The following ECM2 variants were observed in gnomAD, a reference collection of about 807,000 sequenced individuals.
ECM2 encodes the protein extracellular matrix protein 2, also known as extracellular matrix protein 2, female organ and adipocyte specific.
ECM2 carries 57 observed loss-of-function variants against 67.5 expected under a neutral mutation model. The observed-to-expected ratio is 0.84, with a 90% confidence interval of 0.68 to 1.05. The LOEUF is 1.05. ECM2 is among the 50% of genes least tolerant of loss of function. ECM2 has a pLI of 0.00. For missense variants in ECM2, 741 were observed against 822.8 expected (o/e 0.90, Z 1.22); for synonymous variants, 258 against 294.5 (o/e 0.88, Z 1.27).
At chr9:92,535,013 G>A (rs1371922270) in intron 1 of ECM2, among the ~76,000 whole-genome samples, 1 of 152,104 alleles carries the variant, frequency 6.6e-6, no homozygotes, top group African/African-American at 2.4e-5. Context: ...TGAGTGCTTA[G>A]GAGTGTGAAT....
intron 5 of ECM2, among the ~76,000 whole-genome samples, chr9:92,510,838 T>C (rs1337140051): frequency 6.6e-6 from 1 of 152,224 alleles, no homozygotes; most frequent in Non-Finnish European, 1.5e-5. Flanking sequence ...CTAGCCATTT[T>C]CTAGAAGAAG....
At chr9:92,545,633 C>T in the ECM2 span, among the ~76,000 whole-genome samples, 1 of 152,214 alleles carries the variant, frequency 6.6e-6, no homozygotes, top group Non-Finnish European at 1.5e-5. Flanking sequence ...GGAGTGCGGG[C>T]ACAGGGCGCG....
chr9:92,547,040 TAGC>T, the ECM2 span, among the ~76,000 whole-genome samples: 1 of 152,128 alleles, frequency 6.6e-6, no homozygotes, highest in African/African-American at 2.4e-5. Context: ...ACGTATATAT[TAGC>T]AGACCAAATC....
At position 92,514,963 on chromosome 9, in the gene ECM2, C is replaced by G. The variant is rs761075259; in HGVS notation, c.722G>C (p.Ser241Thr). The change falls in exon 4 of 10, where the codon AGT becomes ACT. Residue 241 changes from serine to threonine, a missense_variant. Ser to Thr is a moderately conservative substitution (Grantham distance 58, BLOSUM62 1). Coordinates refer to ENST00000344604, the MANE Select transcript of ECM2 (RefSeq NM_001393.4). The part of the protein sequence containing the change: ...PESRNQGQLY[S>T]EGDSRGGDRK... ...GTCTCCTCCTCTGCTGTCCCCCTCA[C>G]TGTAAAGTTGCCCCTGATTTCTAGA... 2.5e-6 allele frequency: 4 copies of G among 1,613,974 alleles called. No individual in the cohort carries two copies. The African/African-American group carries it at 5.3e-5, about 22-fold the overall frequency.
chr9:92,557,816 T>C, the ECM2 span, among the ~76,000 whole-genome samples: 1 of 152,124 alleles, frequency 6.6e-6, no homozygotes, highest in Non-Finnish European at 1.5e-5. Context: ...CTAATTTTTG[T>C]ATTTTTTTAG....
At chr9:92,542,579 C>T in the ECM2 span, among the ~76,000 whole-genome samples, 10 of 151,946 alleles carry the variant, frequency 6.6e-5, no homozygotes, top group South Asian at 2.1e-4. Flanking sequence ...TGCAGTGGCA[C>T]GATCATGGCT....
upstream of ECM2, chr9:92,538,962 A>G (rs1341576813): frequency 2.6e-5 from 4 of 152,082 alleles, no homozygotes; most frequent in African/African-American, 7.2e-5. Flanking sequence ...TAAGGATGCA[A>G]TTGTCTACCA....
chr9:92,502,431 C>T lies in ECM2; in HGVS notation c.1604+82G>A, dbSNP rs1488138723. On this transcript the variant is annotated intron_variant, in intron 8 of 9. Coordinates refer to ENST00000344604, the MANE Select transcript of ECM2 (RefSeq NM_001393.4). ...GTATCGTCACCTCCCTCACTTATCC[C>T]ATTCCCAGTTTCCATACTCTGTTTA... is the stretch of plus-strand genomic sequence containing the variant. 4.6e-6 allele frequency: 7 copies of T among 1,517,392 alleles called. No homozygotes were observed. In the East Asian group the frequency reaches 6.8e-5, roughly 15 times the overall value. 94.0% of individuals were successfully genotyped at this position (1,517,392 alleles called of 1,614,324 possible). A position where few individuals can be genotyped will look rare whatever the true frequency, so the allele number is the denominator to read the frequency against.
downstream of ECM2, chr9:92,495,179 G>C (rs1366375504): frequency 7.7e-6 from 2 of 259,830 alleles, no homozygotes; most frequent in Non-Finnish European, 1.2e-5. Flanking sequence ...TAAAAAATTA[G>C]AGAAACCTAT....
chr9:92,520,237 T>A (rs1847980887), intron 2 of ECM2, among the ~76,000 whole-genome samples: 1 of 151,546 alleles, frequency 6.6e-6, no homozygotes, highest in African/African-American at 2.4e-5. Flanking sequence ...GAGCTATGAT[T>A]GTACCACCGT....
chr9:92,519,236 A>G (rs1847916580), intron 2 of ECM2, among the ~76,000 whole-genome samples: 1 of 152,206 alleles, frequency 6.6e-6, no homozygotes, highest in African/African-American at 2.4e-5. Flanking sequence ...AAATACACAT[A>G]TGAGTTTCTT....
At position 92,496,373 on chromosome 9, in the gene ECM2, G is replaced by T; in HGVS notation, c.2042C>A (p.Thr681Lys). The change falls in exon 10 of 10, where the codon ACA (threonine) becomes AAA (lysine). Residue 681 changes from threonine to lysine, a missense_variant. Physicochemically the swap from Thr to Lys is moderately conservative, Grantham distance 78 (BLOSUM62 -1). Transcript: ENST00000344604. ...YIKIREIPSY[T>K]FSCIRSYSSI... The stretch of plus-strand genomic sequence containing the variant: ...TGAGTATGATCTTATGCATGAAAAT[G>T]TGTAAGATGGTATTTCTCTAATTTT... 6.2e-7 allele frequency: 1 copy of T among 1,607,966 alleles called. No individual in the cohort carries two copies. Among genetic ancestry groups the T allele is most frequent in the East Asian group, 2.2e-5 (1 of 44,456 alleles).
At chr9:92,554,656 G>A in the ECM2 span, among the ~76,000 whole-genome samples, 3 of 151,484 alleles carry the variant, frequency 2.0e-5, no homozygotes, top group East Asian at 2.0e-4. Flanking sequence ...TGTTTTTTCC[G>A]AGATGGAGTC....
chr9:92,496,383 GT>G lies in ECM2; in HGVS notation c.2031del (p.Pro678HisfsTer8), dbSNP rs772360585. 17 of 1,609,106 alleles carry G rather than the reference GT, an allele frequency of 1.1e-5. No individual in the cohort carries two copies. The highest frequency in any genetic ancestry group is 1.4e-5 in the Non-Finnish European group (17 of 1,178,146). On this transcript the variant is annotated frameshift_variant, in exon 10 of 10. Transcript: ENST00000344604. LOFTEE classifies it high-confidence loss of function. ...CTTATGCATGAAAATGTGTAAGATG[GT>G]ATTTCTCTAATTTTAATATAATTGT... The part of the protein sequence containing the change: ...LENNYIKIRE[I>X]PSYTFSCIRS...
intron 9 of ECM2, among the ~76,000 whole-genome samples, chr9:92,499,107 C>G (rs979174998): frequency 6.6e-6 from 1 of 152,110 alleles, no homozygotes; most frequent in African/African-American, 2.4e-5. Flanking sequence ...CCACGTGTGC[C>G]CAAAAGCAAG....
At chr9:92,505,991 T>C (rs1846984562) in intron 6 of ECM2, among the ~76,000 whole-genome samples, 2 of 151,690 alleles carry the variant, frequency 1.3e-5, no homozygotes, top group Non-Finnish European at 2.9e-5. Flanking sequence ...GGGAGGGAGA[T>C]AGGAAAGAGA....
At chr9:92,522,522 C>A in intron 2 of ECM2, 53 bp downstream of exon 2, 1 of 1,470,108 alleles carries the variant, frequency 6.8e-7, no homozygotes, top group East Asian at 2.4e-5. Context: ...TTTCCCCATA[C>A]CATCTCTCAC....
chr9:92,550,018 T>C, the ECM2 span, among the ~76,000 whole-genome samples: 1 of 152,204 alleles, frequency 6.6e-6, no homozygotes. Context: ...ACTGAATCTC[T>C]GTACTCAGCA....
the ECM2 span, among the ~76,000 whole-genome samples, chr9:92,554,475 G>A: frequency 1.2e-4 from 18 of 152,238 alleles, no homozygotes; most frequent in South Asian, 1.7e-3. Flanking sequence ...GAGCCACTGC[G>A]CCCTGCTTTT....
Sources: allele counts gnomAD v4.1 joint callset (sites outside exome capture counted in the v4.1 genomes callset), GRCh38; gene constraint gnomAD v4.1.1; transcripts MANE v1.5; gene names NCBI Gene and HGNC (gene_info 2026-07-23, HGNC 2026-07-21).